The following BLTP1 variants were observed in gnomAD, a reference collection of about 807,000 sequenced individuals.
The protein encoded by BLTP1 is bridge-like lipid transfer protein family member 1.
At chr4:122,256,168 A>G in the BLTP1 span, 7 of 985,026 alleles carry the variant, frequency 7.1e-6, no homozygotes, top group African/African-American at 1.2e-4. Context: ...ATTAGGGACC[A>G]ATGTATCAGT....
chr4:122,296,065 G>A, the BLTP1 span, among the ~76,000 whole-genome samples: 1 of 152,138 alleles, frequency 6.6e-6, no homozygotes, highest in Middle Eastern at 3.2e-3. Context: ...ATTCAACATA[G>A]TATTGGAAGT....
chr4:122,340,931 C>A, the BLTP1 span: 3 of 715,806 alleles, frequency 4.2e-6, no homozygotes, highest in Non-Finnish European at 5.1e-6. Context: ...TGTAGTGATA[C>A]CATATTTTTC....
chr4:122,261,617 T>C, the BLTP1 span: 2 of 983,434 alleles, frequency 2.0e-6, no homozygotes, highest in Non-Finnish European at 2.4e-6. Flanking sequence ...CACACCTTGA[T>C]TATTAGAGTA....
the BLTP1 span, chr4:122,251,227 A>C: frequency 5.4e-6 from 4 of 739,008 alleles, no homozygotes. Flanking sequence ...GGTAATACAT[A>C]TGAAGGGCTT....
At chr4:122,155,776 A>C in the BLTP1 span, among the ~76,000 whole-genome samples, 1 of 152,142 alleles carries the variant, frequency 6.6e-6, no homozygotes, top group Non-Finnish European at 1.5e-5. Context: ...TTAGGTGATG[A>C]ATTGGAGGGA....
the BLTP1 span, among the ~76,000 whole-genome samples, chr4:122,157,595 T>TTA: frequency 1.3e-5 from 2 of 152,086 alleles, no homozygotes; most frequent in Non-Finnish European, 2.9e-5. Context: ...CAGGTGGTAA[T>TTA]CCTCACTCAC....
chr4:122,191,889 CTAAAT>C, the BLTP1 span, among the ~76,000 whole-genome samples: 2 of 151,948 alleles, frequency 1.3e-5, no homozygotes, highest in Admixed American at 1.3e-4. Context: ...ATACTTATCA[CTAAAT>C]TATTTTGTTT....
the BLTP1 span, chr4:122,189,069 A>G: frequency 3.7e-5 from 36 of 983,872 alleles, no homozygotes; most frequent in Non-Finnish European, 4.2e-5. Context: ...AAGGTATAAT[A>G]CTGAATAAAT....
chr4:122,362,628 C>A, the BLTP1 span: 1 of 166,462 alleles, frequency 6.0e-6, no homozygotes. Flanking sequence ...TCATTAATTG[C>A]TTTTTCTTTT....
At chr4:122,181,236 C>G in the BLTP1 span, 6 of 946,686 alleles carry the variant, frequency 6.3e-6, no homozygotes, top group South Asian at 1.5e-4. Context: ...AAATTAGATG[C>G]GTTCTTTTTT....
the BLTP1 span, among the ~76,000 whole-genome samples, chr4:122,361,129 CTA>C: frequency 2.6e-4 from 40 of 152,244 alleles, no homozygotes; most frequent in Non-Finnish European, 5.1e-4. Context: ...ATGCTTATAA[CTA>C]TTTGAGTTTG....
chr4:122,274,675 A>T, the BLTP1 span: 5 of 967,760 alleles, frequency 5.2e-6, no homozygotes, highest in Non-Finnish European at 6.1e-6. Context: ...GTTTCATGTT[A>T]ACTACAAAAC....
chr4:122,281,033 A>G, the BLTP1 span, among the ~76,000 whole-genome samples: 19 of 152,308 alleles, frequency 1.2e-4, no homozygotes, highest in Admixed American at 8.5e-4. Flanking sequence ...CACTCTAGCT[A>G]TGCTTCCTCA....
At chr4:122,245,090 A>G in the BLTP1 span, 4 of 1,611,892 alleles carry the variant, frequency 2.5e-6, no homozygotes, top group East Asian at 2.2e-5. Flanking sequence ...TCTTCATGCT[A>G]AAGTCCTCAG....
At chr4:122,199,585 A>G in the BLTP1 span, 4 of 711,058 alleles carry the variant, frequency 5.6e-6, no homozygotes, top group Non-Finnish European at 9.1e-6. Context: ...AGGGAAGAGG[A>G]GTGGATTCCC....
the BLTP1 span, chr4:122,348,897 T>C: frequency 1.8e-6 from 1 of 546,030 alleles, no homozygotes; most frequent in African/African-American, 1.9e-5. Context: ...ATATAAAACA[T>C]CATGAAATAT....
chr4:122,335,698 T>G, the BLTP1 span, among the ~76,000 whole-genome samples: 2 of 152,142 alleles, frequency 1.3e-5, no homozygotes, highest in Non-Finnish European at 2.9e-5. Context: ...GTTGGAAACC[T>G]TAGCCAAAGC....
the BLTP1 span, chr4:122,309,175 C>T: frequency 6.7e-7 from 1 of 1,485,760 alleles, no homozygotes. Flanking sequence ...TTGACCGTTT[C>T]TAGATTTCTA....
chr4:122,152,503 C>T, the BLTP1 span: 51 of 985,802 alleles, frequency 5.2e-5, no homozygotes, highest in Non-Finnish European at 5.2e-5. Context: ...GCTGCCGTCG[C>T]CGCCCCTGCC....
Sources: gnomAD v4.1 joint callset for allele counts (sites outside exome capture counted in the v4.1 genomes callset) on GRCh38, gnomAD v4.1.1 for gene constraint, MANE v1.5 for transcripts, NCBI Gene and HGNC (gene_info 2026-07-23, HGNC 2026-07-21) for gene names.